IL7: variants seen among roughly 807,000 people sequenced by gnomAD.
IL7 encodes the protein interleukin-7.
IL7 carries 3 observed loss-of-function variants against 21.6 expected under a neutral mutation model. The ratio of observed to expected loss-of-function variants is 0.14; its 90% CI spans 0.06 to 0.36. IL7 has a LOEUF of 0.36. Among genes scored for constraint, IL7 ranks in the 10% least tolerant of loss-of-function variants. The pLI is 1.00. For synonymous variants in IL7, 62 were observed against 68.1 expected (o/e 0.91, Z 0.44); for missense variants, 175 against 200.2 (o/e 0.87, Z 0.76).
At chr8:78,769,507 A>G (rs1041311673) in intron 2 of IL7, among the ~76,000 whole-genome samples, 48 of 152,348 alleles carry the variant, frequency 3.2e-4, no homozygotes, top group African/African-American at 1.2e-3. Context: ...AAGGAGAACT[A>G]CAAATCACTG....
At chr8:78,677,476 A>C (rs563330071) in intron 4 of IL7, among the ~76,000 whole-genome samples, 1 of 152,282 alleles carries the variant, frequency 6.6e-6, no homozygotes, top group South Asian at 2.1e-4. Context: ...AGAAGGACAC[A>C]AATCAGACCA....
chr8:78,765,124 T>A (rs1444164287), intron 2 of IL7, among the ~76,000 whole-genome samples: 1 of 152,060 alleles, frequency 6.6e-6, no homozygotes, highest in African/African-American at 2.4e-5. Context: ...GACATTCACA[T>A]CCACACCCCT....
intron 1 of IL7, among the ~76,000 whole-genome samples, chr8:78,801,360 A>G (rs867219846): frequency 1.3e-5 from 2 of 152,182 alleles, no homozygotes; most frequent in Non-Finnish European, 2.9e-5. Flanking sequence ...AGGATCTACT[A>G]TGTGGTCTCC....
chr8:78,798,961 C>G (rs770929948), intron 1 of IL7, among the ~76,000 whole-genome samples: 1 of 152,044 alleles, frequency 6.6e-6, no homozygotes, highest in African/African-American at 2.4e-5. Flanking sequence ...TTTGATAACT[C>G]TTCCCAATTA....
At chr8:78,776,510 T>C (rs1292334496) in intron 2 of IL7, among the ~76,000 whole-genome samples, 3 of 152,150 alleles carry the variant, frequency 2.0e-5, no homozygotes, top group East Asian at 1.9e-4. Flanking sequence ...TCATATTGTG[T>C]ATGTTTGAAT....
intron 3 of IL7, among the ~76,000 whole-genome samples, chr8:78,726,922 T>TG (rs1811350073): frequency 6.6e-6 from 1 of 151,966 alleles, no homozygotes. Flanking sequence ...ATTTCCTCCT[T>TG]CTTCAGTGTA....
chr8:78,710,493 A>T (rs559338891), intron 3 of IL7, among the ~76,000 whole-genome samples: 148 of 152,150 alleles, frequency 9.7e-4, no homozygotes, highest in Non-Finnish European at 1.1e-3. Context: ...ACTTTGTTGT[A>T]TCACATGTAG....
intron 1 of IL7, among the ~76,000 whole-genome samples, chr8:78,800,218 T>C (rs1385519245): frequency 6.6e-6 from 1 of 152,212 alleles, no homozygotes; most frequent in Non-Finnish European, 1.5e-5. Context: ...GCCTCAAGTT[T>C]CATCCATTTT....
chr8:78,741,476 A>G (rs914703149), intron 2 of IL7, among the ~76,000 whole-genome samples: 3 of 152,240 alleles, frequency 2.0e-5, no homozygotes, highest in African/African-American at 7.2e-5. Flanking sequence ...TGAAACGTGT[A>G]GCTACTCTAT....
intron 1 of IL7, among the ~76,000 whole-genome samples, chr8:78,804,396 A>T (rs145456560): frequency 0.01 from 1,559 of 152,256 alleles, 15 homozygotes; most frequent in African/African-American, 0.035. Context: ...AGTCTTACTC[A>T]GGGGGGAAAA....
intron 2 of IL7, among the ~76,000 whole-genome samples, chr8:78,746,536 T>C (rs902279647): frequency 6.6e-6 from 1 of 152,228 alleles, no homozygotes; most frequent in Non-Finnish European, 1.5e-5. Context: ...TTCCTCATTA[T>C]TCAGTTGCTT....
At chr8:78,791,380 C>A (rs1396816302) in intron 2 of IL7, among the ~76,000 whole-genome samples, 1 of 152,164 alleles carries the variant, frequency 6.6e-6, no homozygotes, top group African/African-American at 2.4e-5. Flanking sequence ...TGACTCATGC[C>A]TGTAATCCCA....
At position 78,732,918 on chromosome 8, in the gene IL7, T is replaced by G. The variant is rs183188292; in HGVS notation, c.*795A>C. On this transcript the variant is annotated 3_prime_UTR_variant, in exon 6 of 6. Transcript: ENST00000263851. ...TTAATTAAAAGGTAAACATATATTA[T>G]TATCTTAAAAATATATCTCCCAAAT... 15 of 151,788 alleles carry G rather than the reference T, an allele frequency of 9.9e-5. No individual in the cohort carries two copies. The highest frequency in any genetic ancestry group is 1.8e-4 in the Non-Finnish European group (12 of 67,922). The allele number at this position is 151,788 out of a possible 1,614,324, so 9.4% of individuals were successfully genotyped here.
At chr8:78,729,250 G>A (rs956989130), downstream of IL7, among the ~76,000 whole-genome samples, 1 of 151,850 alleles carries the variant, frequency 6.6e-6, no homozygotes, top group African/African-American at 2.4e-5. Flanking sequence ...TTTTCTGACT[G>A]TTTTCCCTTT....
intron 3 of IL7, among the ~76,000 whole-genome samples, chr8:78,704,028 T>C (rs891566183): frequency 1.2e-4 from 19 of 152,312 alleles, no homozygotes; most frequent in African/African-American, 4.1e-4. Flanking sequence ...GTTTTATTTC[T>C]CCTTCACTTA....
chr8:78,791,890 G>T (rs892627352), intron 2 of IL7, among the ~76,000 whole-genome samples: 3 of 152,012 alleles, frequency 2.0e-5, no homozygotes, highest in South Asian at 2.1e-4. Context: ...TCACCAGAGA[G>T]ATTTAGATTG....
intron 3 of IL7, among the ~76,000 whole-genome samples, chr8:78,706,698 C>G (rs1437891501): frequency 1.3e-5 from 2 of 152,138 alleles, no homozygotes; most frequent in Non-Finnish European, 2.9e-5. Context: ...TATTTACTCA[C>G]CCCTTTTCCT....
intron 4 of IL7, among the ~76,000 whole-genome samples, chr8:78,679,788 T>C (rs1418385693): frequency 6.6e-6 from 1 of 152,184 alleles, no homozygotes; most frequent in Non-Finnish European, 1.5e-5. Flanking sequence ...TAAAAAATCA[T>C]TTGATGATAG....
chr8:78,731,029 A>G (rs1032362156), downstream of IL7, among the ~76,000 whole-genome samples: 1 of 151,974 alleles, frequency 6.6e-6, no homozygotes, highest in African/African-American at 2.4e-5. Context: ...CCCGTACAGA[A>G]CACCATAAAG....
Sources: allele counts gnomAD v4.1 joint callset (sites outside exome capture counted in the v4.1 genomes callset), GRCh38; gene constraint gnomAD v4.1.1; transcripts MANE v1.5; gene names NCBI Gene and HGNC (gene_info 2026-07-23, HGNC 2026-07-21).